The following RNASET2 variants were observed in gnomAD, a reference collection of about 807,000 sequenced individuals.
The protein encoded by RNASET2 is ribonuclease 6.
In RNASET2, 28 loss-of-function variants were observed where a neutral mutation model predicts 33.9. That is an observed-to-expected ratio of 0.83 (90% CI 0.61 to 1.13). The LOEUF (loss-of-function observed/expected upper bound fraction) is 1.13, where lower values mean the gene tolerates loss of function less well. Among genes scored for constraint, RNASET2 ranks in the 50% most tolerant of loss-of-function variants. The probability of loss-of-function intolerance (pLI) is 0.00; values close to 1 mark genes in which losing one functional copy is unlikely to be tolerated. For missense variants in RNASET2, 330 were observed against 319.9 expected, an observed-to-expected ratio of 1.03 and a Z score of -0.24; for synonymous variants, 123 against 121.0, an observed-to-expected ratio of 1.02 and a Z score of -0.11.
In RNASET2 at chr6:166,926,286, C is replaced by T. The variant is rs900966857; in HGVS notation, c.*3302G>A. Among the ~76,000 whole-genome samples the T allele has an allele frequency of 6.6e-6, 1 of 151,708 alleles. No homozygotes were observed. The highest frequency in any genetic ancestry group is 1.5e-5 in the Non-Finnish European group (1 of 67,962). ...GGCGCGGTGGCTCACACCTATAATC[C>T]TAGCACTCTGGGAGGCTGAGGCAGG... On this transcript the variant is annotated 3_prime_UTR_variant, in exon 9 of 9. Coordinates refer to ENST00000508775, the MANE Select transcript of RNASET2 (RefSeq NM_003730.6).
chr6:166,955,924 C>A (rs1223988148), intron 1 of RNASET2, among the ~76,000 whole-genome samples, 173 bp downstream of exon 1: 1 of 151,720 alleles, frequency 6.6e-6, no homozygotes, highest in Non-Finnish European at 1.5e-5. Flanking sequence ...GCGTGCTCAA[C>A]TTCCCAACTT....
chr6:166,945,581 A>G (rs1375411203), intron 4 of RNASET2, among the ~76,000 whole-genome samples: 3 of 152,184 alleles, frequency 2.0e-5, no homozygotes, highest in African/African-American at 7.2e-5. Context: ...CTGTAATCCC[A>G]GCACTTTGGG....
At chr6:166,943,728 G>A in intron 4 of RNASET2, 1 of 469,808 alleles carries the variant, frequency 2.1e-6, no homozygotes, top group Non-Finnish European at 4.4e-6. Context: ...TGTAACAAAT[G>A]TAACACACTA....
At position 166,922,583 on chromosome 6, in the gene RNASET2, C is replaced by T. The variant is rs1471798294; in HGVS notation, c.*7005G>A. On this transcript the variant is annotated 3_prime_UTR_variant, in exon 9 of 9. Transcript: ENST00000508775. ...CTAAAACATTCAGAGAAAAACCAAT[C>T]GGGTGACATTTCAGTTTTGATTAGT... is the stretch of plus-strand genomic sequence containing the variant. Among the ~76,000 whole-genome samples the T allele has an allele frequency of 2.0e-5, 3 of 152,168 alleles. No homozygotes were observed. Among genetic ancestry groups the T allele is most frequent in the African/African-American group, 2.4e-5 (1 of 41,428 alleles).
chr6:166,928,555 T>C lies in RNASET2; in HGVS notation c.*1033A>G, dbSNP rs1020047560. Among the ~76,000 whole-genome samples the C allele has an allele frequency of 5.3e-5, 8 of 151,828 alleles. No homozygotes were observed. The highest frequency in any genetic ancestry group is 3.2e-3 in the Middle Eastern group (1 of 316). On this transcript the variant is annotated 3_prime_UTR_variant, in exon 9 of 9. Coordinates refer to ENST00000508775, the MANE Select transcript of RNASET2 (RefSeq NM_003730.6). ...TAGTAAGTTCTATTTTAAATGTATATTGAATAAAACATAAATAGGACGTTA... is the reference window on the plus strand; with the variant it reads ...TAGTAAGTTCTATTTTAAATGTATACTGAATAAAACATAAATAGGACGTTA...
chr6:166,929,690 C>T lies in RNASET2; in HGVS notation c.669G>A (p.Lys223=). ...CCCCATTTGCCAGCCAGACTTCCTG[C>T]TTGGGGGACGGCTGCTCCCCCGGCT... ...CTEPGEQPSP[K]QEVWLANGAA... is the part of the protein sequence containing the mutation. Residue 223 remains lysine (K), a synonymous_variant, in exon 9 of 9, where the codon AAG becomes AAA. Coordinates refer to ENST00000508775, the MANE Select transcript of RNASET2 (RefSeq NM_003730.6). 4.3e-6 allele frequency: 7 copies of T among 1,614,108 alleles called. No homozygotes were observed. The highest frequency in any genetic ancestry group is 1.3e-5 in the African/African-American group (1 of 75,030).
Position 166,928,740 on chromosome 6 carries a change from G to T in RNASET2, c.*848C>A, listed in dbSNP as rs1047622619. Among the ~76,000 whole-genome samples, 2 of 152,198 alleles carry T rather than the reference G, an allele frequency of 1.3e-5. No individual in the cohort carries two copies. Among genetic ancestry groups the T allele is most frequent in the African/African-American group, 4.8e-5 (2 of 41,452 alleles). ...CACGAGTGAAATCCCTGCACGGCAGGCCGAGAGCGTGGGTGCAGCAGTCTG... is the reference window on the plus strand; with the variant it reads ...CACGAGTGAAATCCCTGCACGGCAGTCCGAGAGCGTGGGTGCAGCAGTCTG... On this transcript the variant is annotated 3_prime_UTR_variant, in exon 9 of 9. Transcript: ENST00000508775.
chr6:166,946,760 G>A (rs753161845), intron 3 of RNASET2, 21 bp from the exon 4 acceptor site: 3 of 1,483,038 alleles, frequency 2.0e-6, no homozygotes, highest in South Asian at 2.4e-5. Flanking sequence ...AAATTTAAAA[G>A]AGAAAATAAG....
intron 3 of RNASET2, among the ~76,000 whole-genome samples, chr6:166,947,054 CCGGCTGGGTTGA>C (rs1778866098): frequency 6.6e-6 from 1 of 152,038 alleles, no homozygotes; most frequent in South Asian, 2.1e-4. Flanking sequence ...GGGGTCAGCC[CCGGCTGGGTTGA>C]CGGCAACCTC....
rs1199604988 is a variant in RNASET2 at position 166,955,397 on chromosome 6, GCACA to G, written c.86+696_86+699del. The G allele has an allele frequency of 1.1e-4, 59 of 519,642 alleles. 4 individuals carry two copies. Among genetic ancestry groups the G allele is most frequent in the African/African-American group, 1.1e-3 (35 of 31,014 alleles). The allele number at this position is 519,642 out of a possible 1,614,324, so 32.2% of individuals were successfully genotyped here. A position where few individuals can be genotyped will look rare whatever the true frequency, so the allele number is the denominator to read the frequency against. ...AACGCACACGCACACACACACACGC[GCACA>G]CACACACGCGCACACACACACACAC... On this transcript the variant is annotated intron_variant, in intron 1 of 8. Coordinates refer to ENST00000508775, the MANE Select transcript of RNASET2 (RefSeq NM_003730.6).
In RNASET2 at chr6:166,926,997, C is replaced by T. The variant is rs1778317916; in HGVS notation, c.*2591G>A. On this transcript the variant is annotated 3_prime_UTR_variant, in exon 9 of 9. Coordinates refer to ENST00000508775, the MANE Select transcript of RNASET2 (RefSeq NM_003730.6). The stretch of plus-strand genomic sequence containing the variant: ...GTACCCCCAGCTCTGATCCCAGAGC[C>T]TGGCCTGCTCCTCCTTCCACACATA... Among the ~76,000 whole-genome samples the T allele has an allele frequency of 6.6e-6, 1 of 152,192 alleles. No individual in the cohort carries two copies. Among genetic ancestry groups the T allele is most frequent in the Non-Finnish European group, 1.5e-5 (1 of 68,034 alleles).
In RNASET2 at chr6:166,955,268, CACGCGCACACACGACACACACGCACAG is replaced by C. The variant is rs1447877557; in HGVS notation, c.86+802_86+828del. The stretch of plus-strand genomic sequence containing the variant: ...ACACACGCACACACGCACACACACA[CACGCGCACACACGACACACACGCACAG>C]ACGCGCACACACGACACACACGCAC... On this transcript the variant is annotated intron_variant, in intron 1 of 8. Transcript: ENST00000508775. Among the ~76,000 whole-genome samples the C allele has an allele frequency of 2.7e-4, 26 of 95,030 alleles. 1 individual carries two copies. Among genetic ancestry groups the C allele is most frequent in the South Asian group, 1.7e-3 (4 of 2,406 alleles). 62.3% of individuals were successfully genotyped at this position (95,030 alleles called of 152,430 possible). A position where few individuals can be genotyped will look rare whatever the true frequency, so the allele number is the denominator to read the frequency against.
In RNASET2 at chr6:166,956,189, G is replaced by T; in HGVS notation, c.-7C>A. 6.5e-7 allele frequency: 1 copy of T among 1,547,160 alleles called. No homozygotes were observed. The highest frequency in any genetic ancestry group is 8.7e-7 in the Non-Finnish European group (1 of 1,145,374). On this transcript the variant is annotated 5_prime_UTR_variant, in exon 1 of 9. Transcript: ENST00000508775. ...GCAGGGCTGCAGGGCGCATGGTGCC[G>T]ACCTGCGGAGAGAACGCTGCCAGCT... is the stretch of plus-strand genomic sequence containing the variant.
intron 6 of RNASET2, chr6:166,938,502 T>C (rs1446854631): frequency 7.6e-6 from 4 of 524,646 alleles, no homozygotes; most frequent in Non-Finnish European, 1.5e-5. Context: ...CCAGGAGTTC[T>C]GCGGCAAAGA....
In RNASET2 at chr6:166,924,899, C is replaced by T. The variant is rs1161515013; in HGVS notation, c.*4689G>A. On this transcript the variant is annotated 3_prime_UTR_variant, in exon 9 of 9. Coordinates refer to ENST00000508775, the MANE Select transcript of RNASET2 (RefSeq NM_003730.6). ...CATGTCCCAGTGCCTAGAAGAGAGG[C>T]GGCTCATAGGAAGGGTTGAAAAAAG... Among the ~76,000 whole-genome samples, 2 of 152,108 alleles carry T rather than the reference C, an allele frequency of 1.3e-5. No homozygotes were observed. Among genetic ancestry groups the T allele is most frequent in the Non-Finnish European group, 2.9e-5 (2 of 68,008 alleles).
rs1778365686 is a variant in RNASET2 at position 166,929,462 on chromosome 6, C to T, written c.*126G>A. The T allele has an allele frequency of 1.0e-6, 1 of 999,938 alleles. No homozygotes were observed. Among genetic ancestry groups the T allele is most frequent in the South Asian group, 1.4e-5 (1 of 73,862 alleles). 61.9% of individuals were successfully genotyped at this position (999,938 alleles called of 1,614,324 possible). On this transcript the variant is annotated 3_prime_UTR_variant, in exon 9 of 9. Transcript: ENST00000508775. ...ACTCACTCTACAGGGACCACAACATCCAATTCACAGGCATGGAGGGGAAAC... is the reference window on the plus strand; with the variant it reads ...ACTCACTCTACAGGGACCACAACATTCAATTCACAGGCATGGAGGGGAAAC...
At chr6:166,943,735 A>G in intron 4 of RNASET2, 2 of 470,032 alleles carry the variant, frequency 4.3e-6, no homozygotes, top group Non-Finnish European at 8.8e-6. Flanking sequence ...AATGTAACAC[A>G]CTATAGAAGA....
chr6:166,949,256 C>CACT (rs1412583999), intron 2 of RNASET2, among the ~76,000 whole-genome samples: 1 of 143,002 alleles, frequency 7.0e-6, no homozygotes, highest in Non-Finnish European at 1.5e-5. Flanking sequence ...GTAATCTCAG[C>CACT]ACTTTGGGAG....
At chr6:166,954,751 C>G (rs113611759) in intron 1 of RNASET2, among the ~76,000 whole-genome samples, 4 of 152,128 alleles carry the variant, frequency 2.6e-5, no homozygotes, top group African/African-American at 7.2e-5. Context: ...CAGTGGCTCA[C>G]GCCTGTAATC....
Sources: allele counts gnomAD v4.1 joint callset (sites outside exome capture counted in the v4.1 genomes callset), GRCh38; gene constraint gnomAD v4.1.1; transcripts MANE v1.5; gene names NCBI Gene and HGNC (gene_info 2026-07-23, HGNC 2026-07-21).